Variants in DGLUCY observed in about 807,000 individuals in gnomAD.
DGLUCY encodes D-glutamate cyclase, mitochondrial.
A neutral mutation model predicts 58.5 loss-of-function variants in DGLUCY; 58 were observed. That is an observed-to-expected ratio of 0.99 (90% CI 0.80 to 1.23). The LOEUF (loss-of-function observed/expected upper bound fraction) is 1.23, where lower values mean the gene tolerates loss of function less well. DGLUCY is among the 50% of genes most tolerant of loss of function. The pLI is 0.00. For synonymous variants in DGLUCY, 325 were observed against 314.1 expected (o/e 1.03, Z -0.37); for missense variants, 779 against 784.7 (o/e 0.99, Z 0.09).
intron 1 of DGLUCY, among the ~76,000 whole-genome samples, chr14:91,070,999 G>A (rs1165905223): frequency 6.6e-6 from 1 of 152,122 alleles, no homozygotes; most frequent in Non-Finnish European, 1.5e-5. Flanking sequence ...ATGAAGCTGT[G>A]ACTCATGAAT....
chr14:91,186,324 G>A (rs920562746), intron 8 of DGLUCY, among the ~76,000 whole-genome samples: 7 of 152,038 alleles, frequency 4.6e-5, no homozygotes, highest in Admixed American at 6.6e-5. Context: ...TCAGCTCACT[G>A]CAGCCTCCGC....
chr14:91,090,194 G>T (rs1005856999), intron 1 of DGLUCY, among the ~76,000 whole-genome samples: 2 of 152,092 alleles, frequency 1.3e-5, no homozygotes, highest in African/African-American at 4.8e-5. Flanking sequence ...CCTTGTTCCA[G>T]ACAGGGTCTG....
At chr14:91,109,612 G>A (rs1595655511), upstream of DGLUCY, among the ~76,000 whole-genome samples, 1 of 152,154 alleles carries the variant, frequency 6.6e-6, no homozygotes, top group African/African-American at 2.4e-5. Flanking sequence ...TTCTGATGAG[G>A]TTCCTCTTCC....
chr14:91,134,006 G>A (rs2046182193), intron 1 of DGLUCY, among the ~76,000 whole-genome samples: 1 of 151,986 alleles, frequency 6.6e-6, no homozygotes, highest in African/African-American at 2.4e-5. Flanking sequence ...TTTTTGAGTT[G>A]AGTTGTGGGA....
At chr14:91,110,794 T>C (rs1459952898), upstream of DGLUCY, among the ~76,000 whole-genome samples, 1 of 152,106 alleles carries the variant, frequency 6.6e-6, no homozygotes, top group African/African-American at 2.4e-5. Flanking sequence ...TAACATAAAA[T>C]TGAATCATTT....
intron 8 of DGLUCY, among the ~76,000 whole-genome samples, chr14:91,185,271 A>ATCTTTTTT (rs2049437037): frequency 2.6e-5 from 1 of 38,342 alleles, no homozygotes; most frequent in Non-Finnish European, 4.7e-5. Context: ...GCCCAGCCGG[A>ATCTTTTTT]TTTTTTTTTT....
At chr14:91,156,916 A>T (rs147168827) in intron 1 of DGLUCY, among the ~76,000 whole-genome samples, 207 of 152,348 alleles carry the variant, frequency 1.4e-3, no homozygotes, top group African/African-American at 4.6e-3. Context: ...TCTGGCCCTA[A>T]AATCACCTTG....
chr14:91,121,957 A>C (rs1052299128), intron 1 of DGLUCY, among the ~76,000 whole-genome samples: 1 of 152,206 alleles, frequency 6.6e-6, no homozygotes, highest in African/African-American at 2.4e-5. Context: ...AGTGCTCAAC[A>C]CATTTGCTTG....
chr14:91,210,868 G>A (rs187121780), intron 12 of DGLUCY, among the ~76,000 whole-genome samples: 11 of 152,234 alleles, frequency 7.2e-5, no homozygotes, highest in East Asian at 5.8e-4. Flanking sequence ...GCCTAATGCC[G>A]TAAGACAAGA....
chr14:91,137,539 C>G (rs2046411106), intron 1 of DGLUCY, among the ~76,000 whole-genome samples: 1 of 150,160 alleles, frequency 6.7e-6, no homozygotes, highest in African/African-American at 2.5e-5. Context: ...GCGTGCGCCA[C>G]CACGCCTGGC....
At chr14:91,138,074 T>TTGGTTTCATCATGTTAGCCTTTGTCTTC (rs1294420783) in intron 1 of DGLUCY, among the ~76,000 whole-genome samples, 3 of 152,250 alleles carry the variant, frequency 2.0e-5, no homozygotes, top group African/African-American at 7.2e-5. Flanking sequence ...ACTTTCCTCT[T>TTGGTTTCATCATGTTAGCCTTTGTCTTC]TGGTCCTGCC....
At position 91,189,052 on chromosome 14, in the gene DGLUCY, A is replaced by C; in HGVS notation, c.1077A>C (p.Pro359=). 6.2e-7 allele frequency: 1 copy of C among 1,614,132 alleles called. No individual in the cohort carries two copies. The highest frequency in any genetic ancestry group is 8.5e-7 in the Non-Finnish European group (1 of 1,180,020). Residue 359 remains proline (P), a synonymous_variant, in exon 9 of 14, where the codon CCA becomes CCC. Coordinates refer to ENST00000256324, the MANE Select transcript of DGLUCY (RefSeq NM_001102368.3). ...AGCCTCCAGAAGAGACAGATGGCCC[A>C]CCAGGAGCTGTTGCTCTGGTTGCCT... ...NHEPPEETDG[P]PGAVALVAFL... is the part of the protein sequence containing the mutation.
chr14:91,165,309 A>G, intron 3 of DGLUCY: 1 of 455,494 alleles, frequency 2.2e-6, no homozygotes, highest in Non-Finnish European at 4.4e-6. Context: ...AATAACTTAC[A>G]TACATTACCT....
rs141449749 is a variant in DGLUCY, at chr14:91,066,110, G to C, written c.-82+5406G>C. Among the ~76,000 whole-genome samples the C allele has an allele frequency of 3.2e-3, 490 of 152,332 alleles. 4 individuals carry two copies. Among genetic ancestry groups the C allele is most frequent in the African/African-American group, 0.011 (477 of 41,584 alleles). On this transcript the variant is annotated intron_variant, in intron 1 of 4. Transcript: ENST00000521334. ...CTGACTTTATCCACTGGGCGTGGTG[G>C]CTCACGCCTGTAATCCCAGCACTTT...
At chr14:91,161,839 T>G (rs910143589) in intron 3 of DGLUCY, among the ~76,000 whole-genome samples, 2 of 149,930 alleles carry the variant, frequency 1.3e-5, no homozygotes, top group Non-Finnish European at 3.0e-5. Flanking sequence ...TAAATAAAAG[T>G]AATGGCAAAA....
intron 8 of DGLUCY, among the ~76,000 whole-genome samples, chr14:91,182,380 G>T (rs528488478): frequency 1.3e-5 from 2 of 152,268 alleles, no homozygotes; most frequent in Admixed American, 1.3e-4. Flanking sequence ...AGCAGATGGG[G>T]TTAGGTAGTA....
chr14:91,164,202 G>A (rs1306984575), intron 3 of DGLUCY, among the ~76,000 whole-genome samples: 6 of 152,148 alleles, frequency 3.9e-5, no homozygotes, highest in South Asian at 2.1e-4. Context: ...TGCCAACCTC[G>A]GCCTCCCAAA....
At chr14:91,129,606 C>T (rs985648583) in intron 1 of DGLUCY, among the ~76,000 whole-genome samples, 8 of 151,432 alleles carry the variant, frequency 5.3e-5, no homozygotes, top group Non-Finnish European at 1.0e-4. Flanking sequence ...AAAGAATGTA[C>T]TATATTGCTG....
At chr14:91,117,759 TG>T (rs1490047326) in intron 1 of DGLUCY, among the ~76,000 whole-genome samples, 1 of 152,106 alleles carries the variant, frequency 6.6e-6, no homozygotes, top group Non-Finnish European at 1.5e-5. Context: ...TGAGAACATG[TG>T]CCTGACATGG....
Sources: allele counts gnomAD v4.1 joint callset (sites outside exome capture counted in the v4.1 genomes callset), GRCh38; gene constraint gnomAD v4.1.1; transcripts MANE v1.5; gene names NCBI Gene and HGNC (gene_info 2026-07-23, HGNC 2026-07-21).